The following NEGR1 variants were observed in gnomAD, a reference collection of about 807,000 sequenced individuals.
The protein encoded by NEGR1 is neuronal growth regulator 1, also known as IgLON family member 4.
A neutral mutation model predicts 40.9 loss-of-function variants in NEGR1; 10 were observed. That is an observed-to-expected ratio of 0.24 (90% CI 0.15 to 0.42). The LOEUF is 0.42. Among genes scored for constraint, NEGR1 ranks in the 10% least tolerant of loss-of-function variants. The pLI is 1.00. For missense variants in NEGR1, 352 were observed against 438.9 expected, an observed-to-expected ratio of 0.80 and a Z score of 1.77; for synonymous variants, 185 against 166.8, an observed-to-expected ratio of 1.11 and a Z score of -0.84.
At chr1:71,887,709 T>G (rs1660764505) in intron 2 of NEGR1, among the ~76,000 whole-genome samples, 2 of 152,136 alleles carry the variant, frequency 1.3e-5, no homozygotes, top group Admixed American at 6.5e-5. Flanking sequence ...TGAAGCCACT[T>G]TACAGTAGTA....
intron 1 of NEGR1, among the ~76,000 whole-genome samples, chr1:71,963,566 T>A (rs1383253123): frequency 6.6e-6 from 1 of 152,184 alleles, no homozygotes; most frequent in Non-Finnish European, 1.5e-5. Flanking sequence ...TTTTCTAAAA[T>A]GTCATGTTAA....
At chr1:71,788,233 T>G (rs541101007) in intron 2 of NEGR1, among the ~76,000 whole-genome samples, 1 of 152,170 alleles carries the variant, frequency 6.6e-6, no homozygotes, top group Non-Finnish European at 1.5e-5. Flanking sequence ...AGTCCTATGG[T>G]TACATGTGCC....
intron 4 of NEGR1, among the ~76,000 whole-genome samples, chr1:71,682,403 CTGAT>C (rs1652870134): frequency 6.6e-6 from 1 of 152,058 alleles, no homozygotes; most frequent in African/African-American, 2.4e-5. Flanking sequence ...GTTGTTTTCA[CTGAT>C]TATTATTCAT....
chr1:71,396,296 C>T lies in NEGR1; in HGVS notation c.*11150G>A, dbSNP rs1269946433. On this transcript the variant is annotated 3_prime_UTR_variant, in exon 7 of 7. Transcript: ENST00000357731. ...ATAGTGTCCTAAACATCCAGATTAA[C>T]TCTACCAGGTAATTCTTTTTAGACA... The T allele has an allele frequency of 6.6e-6, 1 of 152,126 alleles. No individual in the cohort carries two copies. Among genetic ancestry groups the T allele is most frequent in the African/African-American group, 2.4e-5 (1 of 41,430 alleles). The allele number at this position is 152,126 out of a possible 1,614,324, so 9.4% of individuals were successfully genotyped here.
chr1:72,240,342 T>C (rs1481262915), intron 1 of NEGR1, among the ~76,000 whole-genome samples: 2 of 151,868 alleles, frequency 1.3e-5, no homozygotes, highest in African/African-American at 4.8e-5. Flanking sequence ...GCATAAACAA[T>C]AGCTAACACC....
intron 2 of NEGR1, among the ~76,000 whole-genome samples, chr1:71,887,593 TTAGAG>T (rs1452023879): frequency 2.0e-5 from 3 of 152,170 alleles, no homozygotes; most frequent in African/African-American, 4.8e-5. Flanking sequence ...AGTGATCAGA[TTAGAG>T]TAATTAGCAT....
At chr1:71,894,885 C>G (rs556091840) in intron 2 of NEGR1, among the ~76,000 whole-genome samples, 5 of 151,756 alleles carry the variant, frequency 3.3e-5, no homozygotes, top group South Asian at 2.1e-4. Flanking sequence ...AGCCACTGCA[C>G]TTCAGCCTGG....
chr1:71,775,901 G>C (rs1351717086), intron 3 of NEGR1, among the ~76,000 whole-genome samples: 1 of 151,670 alleles, frequency 6.6e-6, no homozygotes, highest in Non-Finnish European at 1.5e-5. Context: ...GCTGAGGCAG[G>C]AGAATCGCTT....
chr1:71,444,695 T>C (rs1646569087), intron 6 of NEGR1, among the ~76,000 whole-genome samples: 1 of 151,758 alleles, frequency 6.6e-6, no homozygotes, highest in Non-Finnish European at 1.5e-5. Flanking sequence ...AGAGAGACTT[T>C]AATGCTTGCA....
intron 1 of NEGR1, among the ~76,000 whole-genome samples, chr1:72,107,846 T>C (rs965686506): frequency 7.9e-5 from 12 of 151,392 alleles, no homozygotes; most frequent in Admixed American, 7.3e-4. Context: ...TAAACACATA[T>C]ACATGGGTAT....
intron 3 of NEGR1, among the ~76,000 whole-genome samples, chr1:71,698,633 G>A (rs887959072): frequency 2.0e-5 from 3 of 151,788 alleles, no homozygotes; most frequent in Non-Finnish European, 4.4e-5. Context: ...TTTAACCATT[G>A]CTATATTTTG....
chr1:71,730,333 G>T (rs1400514340), intron 3 of NEGR1, among the ~76,000 whole-genome samples: 1 of 151,888 alleles, frequency 6.6e-6, no homozygotes, highest in Non-Finnish European at 1.5e-5. Flanking sequence ...AGAGACCATA[G>T]AAATAGGTCT....
chr1:71,871,188 A>C (rs1279975558), intron 2 of NEGR1, among the ~76,000 whole-genome samples: 2 of 152,188 alleles, frequency 1.3e-5, no homozygotes, highest in Non-Finnish European at 2.9e-5. Flanking sequence ...ATATCTTGTA[A>C]AGAAACACTT....
chr1:71,574,984 G>A (rs1648918570), intron 6 of NEGR1, among the ~76,000 whole-genome samples: 1 of 152,130 alleles, frequency 6.6e-6, no homozygotes, highest in South Asian at 2.1e-4. Context: ...TTTGTTGTTT[G>A]AGACAAAATT....
chr1:71,660,640 T>C (rs1394116804), intron 4 of NEGR1, among the ~76,000 whole-genome samples: 1 of 152,122 alleles, frequency 6.6e-6, no homozygotes, highest in African/African-American at 2.4e-5. Context: ...CCACAAACCA[T>C]AGCTGTGGAA....
intron 1 of NEGR1, among the ~76,000 whole-genome samples, chr1:72,007,284 T>C (rs1200672874): frequency 6.6e-6 from 1 of 152,128 alleles, no homozygotes; most frequent in African/African-American, 2.4e-5. Context: ...GAAGTTCTTT[T>C]TTGAAATTAA....
rs1477118602 is a variant in NEGR1, at chr1:71,603,875, T to A, written c.788+7151A>T. Among the ~76,000 whole-genome samples, 4 of 152,318 alleles carry A rather than the reference T, an allele frequency of 2.6e-5. No homozygotes were observed. In the East Asian group the frequency reaches 7.7e-4, roughly 29 times the overall value. On this transcript the variant is annotated intron_variant, in intron 5 of 6. Transcript: ENST00000357731. Reference sequence around the variant, plus strand: ...GGAAATATTGTTAGTTTTTGCTAATTTTTTTATTTTACTCATGGGAACATA... The same window carrying A: ...GGAAATATTGTTAGTTTTTGCTAATATTTTTATTTTACTCATGGGAACATA...
intron 2 of NEGR1, among the ~76,000 whole-genome samples, chr1:71,797,550 T>C (rs182006814): frequency 6.6e-6 from 1 of 152,116 alleles, no homozygotes; most frequent in African/African-American, 2.4e-5. Flanking sequence ...AGAAAATACA[T>C]CAAAGTGATT....
chr1:72,053,484 A>T (rs1647081596), intron 1 of NEGR1, among the ~76,000 whole-genome samples: 1 of 151,192 alleles, frequency 6.6e-6, no homozygotes, highest in South Asian at 2.1e-4. Context: ...CTTGCCAGTT[A>T]AATTAAGAAT....
Sources: allele counts gnomAD v4.1 joint callset (sites outside exome capture counted in the v4.1 genomes callset), GRCh38; gene constraint gnomAD v4.1.1; transcripts MANE v1.5; gene names NCBI Gene and HGNC (gene_info 2026-07-23, HGNC 2026-07-21).